Variants in RERE observed in about 807,000 individuals in gnomAD.
RERE encodes the protein arginine-glutamic acid dipeptide repeats, also known as arginine-glutamic acid dipeptide repeats protein.
Under a neutral mutation model 146.1 loss-of-function variants are expected in RERE, and 40 were observed. That is an observed-to-expected ratio of 0.27 (90% CI 0.21 to 0.36). The LOEUF (loss-of-function observed/expected upper bound fraction) is 0.36. Among genes scored for constraint, RERE ranks in the 10% least tolerant of loss-of-function variants. The pLI, the probability that RERE is intolerant of heterozygous loss-of-function variation, is 1.00. For missense variants in RERE, 1,933 were observed against 2,138.7 expected, an observed-to-expected ratio of 0.90 and a Z score of 1.90; for synonymous variants, 1,003 against 866.0, an observed-to-expected ratio of 1.16 and a Z score of -2.78.
chr1:8,626,609 G>A (rs1646976020), intron 2 of RERE, among the ~76,000 whole-genome samples: 2 of 152,112 alleles, frequency 1.3e-5, no homozygotes, highest in Non-Finnish European at 2.9e-5. Context: ...CCACAGACAT[G>A]CCAGCCCAGA....
chr1:8,761,241 T>C (rs992987433), intron 1 of RERE, among the ~76,000 whole-genome samples: 1 of 152,210 alleles, frequency 6.6e-6, no homozygotes, highest in Non-Finnish European at 1.5e-5. Flanking sequence ...TTTTGCAATG[T>C]GACAAACTTG....
At chr1:8,447,985 A>AT (rs1314040183) in intron 11 of RERE, among the ~76,000 whole-genome samples, 3 of 151,970 alleles carry the variant, frequency 2.0e-5, no homozygotes, top group African/African-American at 7.3e-5. Context: ...TTCCCTTACT[A>AT]TCTCATGCCT....
intron 1 of RERE, among the ~76,000 whole-genome samples, chr1:8,743,095 T>C (rs1640343852): frequency 6.6e-6 from 1 of 151,788 alleles, no homozygotes; most frequent in African/African-American, 2.4e-5. Context: ...AAAGACATAA[T>C]AAGTATGCAG....
chr1:8,667,869 T>G (rs1043862370), intron 1 of RERE, among the ~76,000 whole-genome samples: 3 of 152,230 alleles, frequency 2.0e-5, no homozygotes, highest in African/African-American at 7.2e-5. Flanking sequence ...TCAACTGAAC[T>G]ACAATTAACA....
chr1:8,443,459 G>GAAAAAAAAAAAAAAAAAAAAAAAA (rs144499944), intron 11 of RERE, among the ~76,000 whole-genome samples: 4 of 112,780 alleles, frequency 3.5e-5, no homozygotes, highest in African/African-American at 3.3e-5. Flanking sequence ...CTCAAAAAAA[G>GAAAAAAAAAAAAAAAAAAAAAAAA]AAAAAAAAAA....
At chr1:8,612,771 C>T (rs529621081) in intron 4 of RERE, among the ~76,000 whole-genome samples, 1 of 152,252 alleles carries the variant, frequency 6.6e-6, no homozygotes, top group African/African-American at 2.4e-5. Context: ...GTAAATAAGA[C>T]ATATTGGTAA....
chr1:8,772,962 A>G (rs1030469092), intron 1 of RERE, among the ~76,000 whole-genome samples: 14 of 152,182 alleles, frequency 9.2e-5, no homozygotes, highest in African/African-American at 2.9e-4. Context: ...TGGCACATGC[A>G]TGTAATCCCA....
intron 1 of RERE, among the ~76,000 whole-genome samples, chr1:8,724,596 C>T (rs1371830092): frequency 2.0e-5 from 3 of 152,088 alleles, no homozygotes; most frequent in African/African-American, 7.2e-5. Flanking sequence ...CTTGTAATCC[C>T]AGCACTTCGG....
At chr1:8,401,069 A>ATATGTATGTATG in intron 12 of RERE, among the ~76,000 whole-genome samples, 1 of 85,116 alleles carries the variant, frequency 1.2e-5, no homozygotes, top group Non-Finnish European at 2.5e-5. Flanking sequence ...ATATATATAT[A>ATATGTATGTATG]TATGTCACTT....
intron 7 of RERE, among the ~76,000 whole-genome samples, chr1:8,518,811 CAT>C (rs1166086425): frequency 1.3e-5 from 2 of 152,202 alleles, no homozygotes; most frequent in African/African-American, 4.8e-5. Context: ...TCTATCCCAT[CAT>C]ATATTCCCAT....
At chr1:8,625,718 T>C (rs1274498568) in intron 2 of RERE, among the ~76,000 whole-genome samples, 1 of 152,172 alleles carries the variant, frequency 6.6e-6, no homozygotes, top group Non-Finnish European at 1.5e-5. Flanking sequence ...ATTTGTCTTA[T>C]GTGTTGAGAG....
intron 2 of RERE, among the ~76,000 whole-genome samples, chr1:8,631,039 A>G (rs1356762202): frequency 3.9e-5 from 6 of 152,240 alleles, no homozygotes; most frequent in African/African-American, 2.4e-5. Context: ...TCTAGCAAAC[A>G]TTCATCTGTC....
At chr1:8,394,248 A>T (rs1278497790) in intron 12 of RERE, among the ~76,000 whole-genome samples, 2 of 152,212 alleles carry the variant, frequency 1.3e-5, no homozygotes, top group Non-Finnish European at 2.9e-5. Flanking sequence ...CACTATACAG[A>T]GCTTTCCCCA....
intron 2 of RERE, among the ~76,000 whole-genome samples, chr1:8,653,369 A>T (rs981263016): frequency 6.6e-6 from 1 of 152,218 alleles, no homozygotes; most frequent in Non-Finnish European, 1.5e-5. Flanking sequence ...GATAATAAAA[A>T]AGTAAATCTT....
chr1:8,516,434 T>G (rs1016567109), intron 7 of RERE, among the ~76,000 whole-genome samples: 4 of 152,030 alleles, frequency 2.6e-5, no homozygotes, highest in African/African-American at 9.7e-5. Context: ...AACTAATATA[T>G]CCATTGAACA....
At chr1:8,529,287 C>CTTCTTTTTTTT (rs1382281413) in intron 7 of RERE, among the ~76,000 whole-genome samples, 15 of 102,440 alleles carry the variant, frequency 1.5e-4, no homozygotes, top group African/African-American at 5.8e-4. Flanking sequence ...GTTCTCCCTT[C>CTTCTTTTTTTT]TTTTTTTTTT....
chr1:8,543,695 GCCTCTA>G lies in RERE; in HGVS notation c.726-2383_726-2378del, dbSNP rs541795983. On this transcript the variant is annotated intron_variant, in intron 6 of 22. Transcript: ENST00000400908. ...TGTAGGATATTTAAGAGCATCCTTG[GCCTCTA>G]CCTAGAAGCACCCATACACATTTCT... Among the ~76,000 whole-genome samples the G allele has an allele frequency of 1.4e-3, 214 of 152,236 alleles. 1 individual carries two copies. The highest frequency in any genetic ancestry group is 8.1e-3 in the South Asian group (39 of 4,820).
At chr1:8,390,958 A>G (rs983256402) in intron 12 of RERE, among the ~76,000 whole-genome samples, 1 of 151,828 alleles carries the variant, frequency 6.6e-6, no homozygotes, top group African/African-American at 2.4e-5. Context: ...AAAACAAAAA[A>G]AACTTTACTT....
At chr1:8,757,806 CA>C (rs1481133511) in intron 1 of RERE, among the ~76,000 whole-genome samples, 6 of 151,938 alleles carry the variant, frequency 3.9e-5, no homozygotes, top group African/African-American at 1.5e-4. Context: ...TATAAGGACG[CA>C]AAATGGTATT....
Sources: gnomAD v4.1 joint callset for allele counts (sites outside exome capture counted in the v4.1 genomes callset) on GRCh38, gnomAD v4.1.1 for gene constraint, MANE v1.5 for transcripts, NCBI Gene and HGNC (gene_info 2026-07-23, HGNC 2026-07-21) for gene names.